The following RALGPS1 variants were observed in gnomAD, a reference collection of about 807,000 sequenced individuals.
RALGPS1 encodes the protein Ral GEF with PH domain and SH3 binding motif 1.
A neutral mutation model predicts 78.8 loss-of-function variants in RALGPS1; 19 were observed. That is an observed-to-expected ratio of 0.24 (90% CI 0.17 to 0.35). The LOEUF is 0.35. Among genes scored for constraint, RALGPS1 ranks in the 10% least tolerant of loss-of-function variants. RALGPS1 has a pLI of 1.00. For synonymous variants in RALGPS1, 228 were observed against 256.3 expected (o/e 0.89, Z 1.06); for missense variants, 454 against 688.3 (o/e 0.66, Z 3.81).
At chr9:126,963,619 G>A (rs976116015) in intron 2 of RALGPS1, among the ~76,000 whole-genome samples, 1 of 152,024 alleles carries the variant, frequency 6.6e-6, no homozygotes, top group African/African-American at 2.4e-5. Flanking sequence ...GCACTTTTTT[G>A]CATGTTCCAT....
Position 127,057,808 on chromosome 9 carries a change from C to T in RALGPS1, c.483+4869C>T, listed in dbSNP as rs992128933. Among the ~76,000 whole-genome samples the T allele has an allele frequency of 4.4e-4, 67 of 152,172 alleles. 1 individual carries two copies. The highest frequency in any genetic ancestry group is 1.6e-3 in the African/African-American group (66 of 41,438). ...CAAGGCCCCTGTCCTCATGGGCTTT[C>T]ATGTTGGGGAGAATAAACATGTGCC... is the stretch of plus-strand genomic sequence containing the variant. On this transcript the variant is annotated intron_variant, in intron 7 of 18. Transcript: ENST00000259351.
chr9:126,987,800 C>T (rs1185753985), intron 4 of RALGPS1, among the ~76,000 whole-genome samples: 2 of 152,114 alleles, frequency 1.3e-5, no homozygotes, highest in Admixed American at 6.5e-5. Flanking sequence ...GCTGGAGAAA[C>T]GATGAAGGGG....
intron 5 of RALGPS1, among the ~76,000 whole-genome samples, chr9:127,041,031 T>TGTGTG (rs71493874): frequency 2.9e-5 from 4 of 135,826 alleles, no homozygotes; most frequent in African/African-American, 5.4e-5. Context: ...CTACAAACAT[T>TGTGTG]TGTGTGTGTG....
intron 8 of RALGPS1, among the ~76,000 whole-genome samples, chr9:127,158,792 A>G (rs2058846896): frequency 6.6e-6 from 1 of 151,334 alleles, no homozygotes; most frequent in Non-Finnish European, 1.5e-5. Context: ...ATGGCCTTGC[A>G]TCATTGTGGA....
chr9:127,172,813 G>A (rs950736287), intron 10 of RALGPS1, among the ~76,000 whole-genome samples: 6 of 151,944 alleles, frequency 3.9e-5, no homozygotes, highest in African/African-American at 1.5e-4. Context: ...CTAAGCACTT[G>A]AGGGGATTTC....
At chr9:127,208,048 C>T (rs1014096370) in intron 14 of RALGPS1, among the ~76,000 whole-genome samples, 3 of 152,150 alleles carry the variant, frequency 2.0e-5, no homozygotes, top group Non-Finnish European at 4.4e-5. Flanking sequence ...CTGTGAGAAC[C>T]GGGCCCCTCT....
chr9:127,055,220 G>GTCTA (rs1164146322), intron 7 of RALGPS1, among the ~76,000 whole-genome samples: 2 of 62,936 alleles, frequency 3.2e-5, no homozygotes, highest in Admixed American at 1.7e-4. Context: ...CTATCTGTCT[G>GTCTA]TCTGTCTGTC....
At chr9:127,047,448 C>G (rs966227470) in intron 5 of RALGPS1, among the ~76,000 whole-genome samples, 3 of 152,120 alleles carry the variant, frequency 2.0e-5, no homozygotes, top group Non-Finnish European at 4.4e-5. Flanking sequence ...CCTGTAATCC[C>G]AGCACTTTGG....
chr9:127,112,387 G>A (rs1278149285), intron 8 of RALGPS1, among the ~76,000 whole-genome samples: 1 of 152,244 alleles, frequency 6.6e-6, no homozygotes, highest in East Asian at 1.9e-4. Flanking sequence ...GCCTTCTTCA[G>A]GCTGCTCACC....
chr9:126,971,014 A>G (rs903573868), intron 3 of RALGPS1, among the ~76,000 whole-genome samples: 1 of 152,220 alleles, frequency 6.6e-6, no homozygotes, highest in African/African-American at 2.4e-5. Context: ...CTTAAAAATA[A>G]AAGAATTCTT....
intron 1 of RALGPS1, among the ~76,000 whole-genome samples, chr9:126,958,163 A>G (rs2038547664): frequency 1.3e-5 from 1 of 76,666 alleles, no homozygotes; most frequent in African/African-American, 3.0e-5. Flanking sequence ...ATATATACAC[A>G]CACACACACA....
chr9:126,999,053 A>G (rs1290583280), intron 4 of RALGPS1, among the ~76,000 whole-genome samples: 1 of 146,550 alleles, frequency 6.8e-6, no homozygotes, highest in Non-Finnish European at 1.5e-5. Flanking sequence ...GCATTAGGAG[A>G]TATACCTAAT....
At chr9:127,191,957 A>G (rs1421501638) in intron 11 of RALGPS1, among the ~76,000 whole-genome samples, 1 of 152,116 alleles carries the variant, frequency 6.6e-6, no homozygotes, top group Admixed American at 6.5e-5. Context: ...TCGGCCTCTC[A>G]AAGTGCTGGG....
chr9:126,924,727 G>C (rs1453747714), intron 1 of RALGPS1, among the ~76,000 whole-genome samples: 1 of 152,174 alleles, frequency 6.6e-6, no homozygotes, highest in Non-Finnish European at 1.5e-5. Flanking sequence ...CCTGTCCTCC[G>C]TAACTACTTG....
intron 1 of RALGPS1, among the ~76,000 whole-genome samples, chr9:126,952,946 G>C (rs947171598): frequency 4.6e-5 from 7 of 152,144 alleles, no homozygotes; most frequent in African/African-American, 1.2e-4. Context: ...TTTCATACTT[G>C]TCTGAAACAT....
At chr9:127,095,622 C>T (rs2053045455) in intron 8 of RALGPS1, among the ~76,000 whole-genome samples, 1 of 152,224 alleles carries the variant, frequency 6.6e-6, no homozygotes, top group Non-Finnish European at 1.5e-5. Flanking sequence ...TACCTCCTCC[C>T]CACTTGAATT....
intron 1 of RALGPS1, among the ~76,000 whole-genome samples, chr9:126,956,732 T>C (rs938933223): frequency 3.3e-5 from 5 of 152,218 alleles, no homozygotes; most frequent in Non-Finnish European, 7.3e-5. Context: ...CATGATACTG[T>C]TCTTTCTCAG....
intron 4 of RALGPS1, among the ~76,000 whole-genome samples, chr9:127,024,884 T>C (rs1014655132): frequency 2.0e-5 from 3 of 152,208 alleles, no homozygotes; most frequent in African/African-American, 7.2e-5. Flanking sequence ...TGCAATGCTC[T>C]ATGGTTGGAC....
intron 5 of RALGPS1, among the ~76,000 whole-genome samples, chr9:127,045,291 A>G (rs1001644352): frequency 6.6e-6 from 1 of 152,242 alleles, no homozygotes; most frequent in South Asian, 2.1e-4. Flanking sequence ...AAAAGAATCT[A>G]TTATAAATGT....
Sources: allele counts gnomAD v4.1 joint callset (sites outside exome capture counted in the v4.1 genomes callset), GRCh38; gene constraint gnomAD v4.1.1; transcripts MANE v1.5; gene names NCBI Gene and HGNC (gene_info 2026-07-23, HGNC 2026-07-21).